The following KTN1 variants were observed in gnomAD, a reference collection of about 807,000 sequenced individuals.
The protein encoded by KTN1 is kinectin.
In KTN1, 130 loss-of-function variants were observed where a neutral mutation model predicts 222.5. The observed-to-expected ratio is 0.58, with a 90% CI of 0.51 to 0.68. KTN1 has a LOEUF of 0.68. KTN1 is among the 30% of genes least tolerant of loss of function. KTN1 has a pLI of 0.00. For missense variants in KTN1, 1,508 were observed against 1,500.4 expected, an observed-to-expected ratio of 1.01 and a Z score of -0.08; for synonymous variants, 512 against 496.3, an observed-to-expected ratio of 1.03 and a Z score of -0.42.
chr14:55,647,999 C>T lies in KTN1; in HGVS notation c.2208-26C>T, dbSNP rs370569124. ...CATTAACTTTGAAAAATAGTTAATA[C>T]ATGTGTTACAAATTTATAATTTCAG... On this transcript the variant is annotated intron_variant, in intron 19 of 43. Coordinates refer to ENST00000395314, the MANE Select transcript of KTN1 (RefSeq NM_001079521.2). 27 of 930,100 alleles carry T rather than the reference C, an allele frequency of 2.9e-5. No homozygotes were observed. In the African/African-American group the frequency reaches 4.0e-4, roughly 14 times the overall value. The allele number at this position is 930,100 out of a possible 1,614,324, so 57.6% of individuals were successfully genotyped here.
chr14:55,650,275 TTGG>T, intron 22 of KTN1, 50 bp from the exon 23 acceptor site: 1 of 1,141,090 alleles, frequency 8.8e-7, no homozygotes, highest in Non-Finnish European at 1.3e-6. Flanking sequence ...TTTTTATATC[TTGG>T]TGGGTCTTGG....
At chr14:55,668,589 T>C (rs1362384634) in intron 34 of KTN1, 1 of 152,062 alleles carries the variant, frequency 6.6e-6, no homozygotes, top group African/African-American at 2.4e-5. Context: ...GTGTGCACTT[T>C]CATGAGGAGA....
At position 55,621,377 on chromosome 14, in the gene KTN1, G is replaced by A. The variant is rs183866160; in HGVS notation, c.963+2065G>A. On this transcript the variant is annotated intron_variant, in intron 5 of 43. Coordinates refer to ENST00000395314, the MANE Select transcript of KTN1 (RefSeq NM_001079521.2). ...TCTTTACAGCAGTTCCTCACTCCTGGTACCAATTTAGTGTATTAGTCTATT... is the reference window on the plus strand; with the variant it reads ...TCTTTACAGCAGTTCCTCACTCCTGATACCAATTTAGTGTATTAGTCTATT... Among the ~76,000 whole-genome samples the A allele has an allele frequency of 3.9e-5, 6 of 152,142 alleles. No individual in the cohort carries two copies. The East Asian group carries it at 1.2e-3, about 29-fold the overall frequency.
At chr14:55,641,105 A>G in intron 16 of KTN1, 22 bp from the exon 17 acceptor site, 1 of 1,447,268 alleles carries the variant, frequency 6.9e-7, no homozygotes, top group Non-Finnish European at 9.5e-7. Context: ...AAGTATTTTA[A>G]TTTTTTTTTT....
chr14:55,607,112 A>G (rs1243555373), intron 1 of KTN1, among the ~76,000 whole-genome samples: 1 of 152,108 alleles, frequency 6.6e-6, no homozygotes. Flanking sequence ...ATATCACTTA[A>G]AATTTTAGGT....
At chr14:55,664,173 A>G (rs1011980233) in intron 33 of KTN1, 132 bp downstream of exon 33, 5 of 609,098 alleles carry the variant, frequency 8.2e-6, no homozygotes, top group African/African-American at 3.8e-5. Context: ...TATCATCTCT[A>G]TCATCTCTGC....
intron 5 of KTN1, among the ~76,000 whole-genome samples, chr14:55,627,161 C>A (rs550382179): frequency 6.6e-5 from 10 of 152,242 alleles, no homozygotes; most frequent in African/African-American, 2.4e-4. Context: ...GTTTCATATT[C>A]TCTCTTTTGA....
At chr14:55,591,910 C>G (rs1264163149) in intron 1 of KTN1, among the ~76,000 whole-genome samples, 1 of 152,160 alleles carries the variant, frequency 6.6e-6, no homozygotes, top group Non-Finnish European at 1.5e-5. Flanking sequence ...AACATATTTT[C>G]AGAGTTTGCT....
intron 5 of KTN1, among the ~76,000 whole-genome samples, chr14:55,626,399 G>A (rs1180574464): frequency 1.3e-5 from 2 of 152,012 alleles, no homozygotes; most frequent in Admixed American, 6.6e-5. Context: ...GCCAGCTCAC[G>A]TTTCATCTCG....
chr14:55,594,841 G>A (rs1186464757), intron 1 of KTN1, among the ~76,000 whole-genome samples: 1 of 152,192 alleles, frequency 6.6e-6, no homozygotes, highest in Non-Finnish European at 1.5e-5. Context: ...TTTGCCAAAG[G>A]AGAAAGAAGA....
chr14:55,622,306 TTG>T, intron 5 of KTN1, among the ~76,000 whole-genome samples: 1 of 152,268 alleles, frequency 6.6e-6, no homozygotes, highest in East Asian at 1.9e-4. Context: ...CTCAGGACTA[TTG>T]TTGTGGGGGG....
intron 28 of KTN1, among the ~76,000 whole-genome samples, chr14:55,655,320 T>C (rs1001091903): frequency 9.2e-5 from 14 of 152,242 alleles, no homozygotes; most frequent in African/African-American, 3.4e-4. Flanking sequence ...ATTTGAGTTT[T>C]TCCCTTTTTA....
At chr14:55,640,561 C>A in intron 15 of KTN1, 119 bp downstream of exon 15, 2 of 676,784 alleles carry the variant, frequency 3.0e-6, no homozygotes, top group East Asian at 5.5e-5. Flanking sequence ...GGTTTATCAT[C>A]TTTGGCTGCA....
chr14:55,683,889 A>G (rs1364524406), intron 43 of KTN1, among the ~76,000 whole-genome samples: 1 of 152,132 alleles, frequency 6.6e-6, no homozygotes, highest in Non-Finnish European at 1.5e-5. Context: ...TTTGGCTCAC[A>G]TTTAAAAGTA....
chr14:55,580,859 TC>T (rs1301331546), intron 1 of KTN1, among the ~76,000 whole-genome samples: 3 of 152,080 alleles, frequency 2.0e-5, no homozygotes, highest in African/African-American at 7.2e-5. Context: ...ATGCTGGAGT[TC>T]CAGTCCTCGC....
rs139348664 is a variant in KTN1, at chr14:55,680,480, A to G, written c.4069+795A>G. ...TTCAGATATGCACTGAATACTTCAG[A>G]TATTCTTCTTTTGAAGATATTTTCT... On this transcript the variant is annotated intron_variant, in intron 43 of 43. Transcript: ENST00000395314. 6.4e-4 allele frequency: 243 copies of G among 379,658 alleles called. 1 individual carries two copies. The highest frequency in any genetic ancestry group is 2.1e-3 in the Admixed American group (64 of 30,778). 23.5% of individuals were successfully genotyped at this position (379,658 alleles called of 1,614,324 possible).
chr14:55,669,082 G>C (rs1389997622), intron 34 of KTN1, among the ~76,000 whole-genome samples: 1 of 151,776 alleles, frequency 6.6e-6, no homozygotes, highest in East Asian at 1.9e-4. Flanking sequence ...TTTCTTTGTG[G>C]CATAACCTGT....
chr14:55,615,746 TG>T (rs1436205652), intron 2 of KTN1, among the ~76,000 whole-genome samples: 3 of 152,170 alleles, frequency 2.0e-5, no homozygotes, highest in African/African-American at 7.2e-5. Flanking sequence ...GAAATGGATG[TG>T]GGATGCTGGG....
intron 39 of KTN1, 64 bp downstream of exon 39, chr14:55,673,076 T>C: frequency 6.6e-7 from 1 of 1,509,056 alleles, no homozygotes; most frequent in South Asian, 1.1e-5. Flanking sequence ...AACAGTGATA[T>C]TTCAGTATAA....
Sources: gnomAD v4.1 joint callset for allele counts (sites outside exome capture counted in the v4.1 genomes callset) on GRCh38, gnomAD v4.1.1 for gene constraint, MANE v1.5 for transcripts, NCBI Gene and HGNC (gene_info 2026-07-23, HGNC 2026-07-21) for gene names.